The following GPHN variants were observed in gnomAD, a reference collection of about 807,000 sequenced individuals.
GPHN encodes the protein gephyrin.
In GPHN, 17 loss-of-function variants were observed where a neutral mutation model predicts 95.5. That is an observed-to-expected ratio of 0.18 (90% CI 0.12 to 0.27). The LOEUF is 0.27. Ranked by LOEUF, GPHN falls within the 10% of genes least tolerant of loss-of-function variation. GPHN has a pLI of 1.00. For synonymous variants in GPHN, 320 were observed against 322.5 expected, an observed-to-expected ratio of 0.99 and a Z score of 0.08; for missense variants, 660 against 978.1, an observed-to-expected ratio of 0.67 and a Z score of 4.34.
chr14:66,706,323 A>T (rs2069078088), intron 2 of GPHN, among the ~76,000 whole-genome samples: 1 of 152,186 alleles, frequency 6.6e-6, no homozygotes, highest in Admixed American at 6.5e-5. Context: ...TTTAAACTTC[A>T]TATTGAATCA....
chr14:67,588,786 T>C, the GPHN span: 1 of 152,638 alleles, frequency 6.6e-6, no homozygotes. Context: ...TGTGTATCTT[T>C]TGCACAGCAA....
the GPHN span, among the ~76,000 whole-genome samples, chr14:67,642,629 A>G: frequency 1.3e-5 from 2 of 152,046 alleles, no homozygotes; most frequent in Non-Finnish European, 2.9e-5. Flanking sequence ...CAAGGTTCCT[A>G]GGCACTGTGT....
the GPHN span, chr14:67,343,413 G>A: frequency 6.2e-7 from 1 of 1,610,938 alleles, no homozygotes; most frequent in Non-Finnish European, 8.5e-7. Context: ...TATCTTAATA[G>A]CTTCATCCAA....
At chr14:67,010,133 T>C (rs1476877800) in intron 9 of GPHN, among the ~76,000 whole-genome samples, 1 of 152,030 alleles carries the variant, frequency 6.6e-6, no homozygotes, top group Non-Finnish European at 1.5e-5. Flanking sequence ...AAAGAGAAAA[T>C]TAAAATTACC....
At chr14:66,553,826 C>T (rs974715950) in intron 1 of GPHN, among the ~76,000 whole-genome samples, 2 of 152,180 alleles carry the variant, frequency 1.3e-5, no homozygotes, top group African/African-American at 2.4e-5. Flanking sequence ...CCTCCTGCCT[C>T]GGCTTCCCAA....
the GPHN span, among the ~76,000 whole-genome samples, chr14:67,688,914 G>A: frequency 6.6e-6 from 1 of 152,098 alleles, no homozygotes; most frequent in African/African-American, 2.4e-5. Context: ...CCCAGTGCAC[G>A]GAACAACATG....
chr14:67,583,159 G>T, the GPHN span, among the ~76,000 whole-genome samples: 4 of 152,140 alleles, frequency 2.6e-5, no homozygotes, highest in African/African-American at 9.7e-5. Context: ...TTACATGCTG[G>T]AAAGGAAGAG....
chr14:67,462,004 T>C, the GPHN span, among the ~76,000 whole-genome samples: 1 of 152,230 alleles, frequency 6.6e-6, no homozygotes, highest in Admixed American at 6.5e-5. Context: ...CCAGGGAGGC[T>C]CTGGGCACCA....
the GPHN span, chr14:67,562,406 C>G: frequency 6.2e-7 from 1 of 1,613,876 alleles, no homozygotes; most frequent in South Asian, 1.1e-5. Context: ...TCAACCTCAT[C>G]TGGGAAGAGA....
intron 10 of GPHN, among the ~76,000 whole-genome samples, chr14:67,056,502 AAG>A (rs1434773676): frequency 1.3e-5 from 2 of 151,494 alleles, no homozygotes; most frequent in Non-Finnish European, 2.9e-5. Flanking sequence ...CTAGACATAA[AAG>A]TTCTCTAAGT....
At chr14:66,840,908 G>A (rs1297645049) in intron 4 of GPHN, among the ~76,000 whole-genome samples, 3 of 150,248 alleles carry the variant, frequency 2.0e-5, no homozygotes, top group Non-Finnish European at 2.9e-5. Context: ...TTGAGATTGA[G>A]AGAGGAAGCC....
At chr14:66,759,776 G>A (rs1034345454) in intron 2 of GPHN, among the ~76,000 whole-genome samples, 2 of 152,130 alleles carry the variant, frequency 1.3e-5, no homozygotes, top group African/African-American at 4.8e-5. Context: ...GAAGTTGTTA[G>A]CTGGTTGTTT....
chr14:66,564,463 T>C (rs954112986), intron 1 of GPHN, among the ~76,000 whole-genome samples: 2 of 152,162 alleles, frequency 1.3e-5, no homozygotes, highest in African/African-American at 4.8e-5. Flanking sequence ...AAAACTTGCT[T>C]TAAAAAATGG....
intron 3 of GPHN, among the ~76,000 whole-genome samples, chr14:66,794,064 A>G (rs1467304825): frequency 6.6e-6 from 1 of 152,188 alleles, no homozygotes; most frequent in Non-Finnish European, 1.5e-5. Flanking sequence ...TCAGAGATAC[A>G]TATGGATTGA....
the GPHN span, among the ~76,000 whole-genome samples, chr14:67,417,608 A>T: frequency 3.3e-3 from 503 of 151,272 alleles, 8 homozygotes; most frequent in Admixed American, 0.027. Context: ...ATTAAAAAAA[A>T]TTTTTTTTTG....
chr14:66,610,708 C>G (rs1447817224), intron 1 of GPHN, among the ~76,000 whole-genome samples: 1 of 152,028 alleles, frequency 6.6e-6, no homozygotes. Context: ...ATGTAAGGAC[C>G]ACTGACATGG....
chr14:66,850,086 A>G (rs2062514872), intron 4 of GPHN, among the ~76,000 whole-genome samples: 1 of 151,984 alleles, frequency 6.6e-6, no homozygotes, highest in Non-Finnish European at 1.5e-5. Context: ...TCCTTTTCTT[A>G]TGTAATGTTC....
At chr14:67,551,705 A>G in the GPHN span, among the ~76,000 whole-genome samples, 4 of 152,130 alleles carry the variant, frequency 2.6e-5, no homozygotes, top group African/African-American at 7.2e-5. Flanking sequence ...CCTGACCAGC[A>G]TGGAGAAACC....
At chr14:66,594,704 A>T (rs1297500990) in intron 1 of GPHN, among the ~76,000 whole-genome samples, 2 of 152,184 alleles carry the variant, frequency 1.3e-5, no homozygotes, top group African/African-American at 4.8e-5. Context: ...AAGACCTAAA[A>T]CTGTGAAAGT....
Sources: gnomAD v4.1 joint callset for allele counts (sites outside exome capture counted in the v4.1 genomes callset) on GRCh38, gnomAD v4.1.1 for gene constraint, MANE v1.5 for transcripts, NCBI Gene and HGNC (gene_info 2026-07-23, HGNC 2026-07-21) for gene names.